Variants in LMO7 observed in about 807,000 individuals in gnomAD.
LMO7 encodes the protein LIM domain only protein 7.
A neutral mutation model predicts 206.5 loss-of-function variants in LMO7; 120 were observed. The observed-to-expected ratio is 0.58, with a 90% CI of 0.50 to 0.68. The LOEUF (loss-of-function observed/expected upper bound fraction) is 0.68. LMO7 is among the 30% of genes least tolerant of loss of function. The pLI is 0.00. For synonymous variants in LMO7, 706 were observed against 681.5 expected, an observed-to-expected ratio of 1.04 and a Z score of -0.56; for missense variants, 1,959 against 1,957.9, an observed-to-expected ratio of 1.00 and a Z score of -0.01.
chr13:75,728,977 T>G (rs1374269683), intron 3 of LMO7, among the ~76,000 whole-genome samples: 1 of 152,088 alleles, frequency 6.6e-6, no homozygotes, highest in Non-Finnish European at 1.5e-5. Flanking sequence ...TCTGTTCCAT[T>G]GGTCTATATC....
chr13:75,793,867 G>A (rs917804030), intron 4 of LMO7, among the ~76,000 whole-genome samples: 1 of 151,778 alleles, frequency 6.6e-6, no homozygotes, highest in Non-Finnish European at 1.5e-5. Context: ...ACTTCTAACA[G>A]CATTTTTTTA....
intron 4 of LMO7, among the ~76,000 whole-genome samples, chr13:75,777,428 C>T (rs749736490): frequency 6.6e-6 from 1 of 152,110 alleles, no homozygotes; most frequent in Non-Finnish European, 1.5e-5. Flanking sequence ...TATTTTTCTT[C>T]ATTCATGTTG....
chr13:75,693,817 TCTC>T (rs2041686875), intron 1 of LMO7, among the ~76,000 whole-genome samples: 1 of 152,132 alleles, frequency 6.6e-6, no homozygotes, highest in South Asian at 2.1e-4. Context: ...TTTCTCACCC[TCTC>T]CTCCTCTTTG....
chr13:75,845,665 T>C (rs535180759), intron 26 of LMO7, among the ~76,000 whole-genome samples: 1 of 152,304 alleles, frequency 6.6e-6, no homozygotes, highest in Non-Finnish European at 1.5e-5. Flanking sequence ...GTATAGTAGA[T>C]TTTATCTTGC....
At chr13:75,770,978 C>A (rs924445726) in intron 4 of LMO7, among the ~76,000 whole-genome samples, 3 of 152,052 alleles carry the variant, frequency 2.0e-5, no homozygotes, top group Non-Finnish European at 4.4e-5. Flanking sequence ...CTTATACAGA[C>A]TTTAAAAATT....
intron 3 of LMO7, among the ~76,000 whole-genome samples, chr13:75,737,580 C>T (rs1449249452): frequency 3.4e-5 from 5 of 146,474 alleles, no homozygotes; most frequent in Admixed American, 1.4e-4. Context: ...GGTGAAACCC[C>T]GTCTCTACTA....
intron 8 of LMO7, 124 bp from the exon 9 acceptor site, chr13:75,805,355 G>C: frequency 9.1e-7 from 1 of 1,099,688 alleles, no homozygotes; most frequent in Non-Finnish European, 1.3e-6. Flanking sequence ...TGGTGGTGAT[G>C]AGAATGGAAA....
intron 3 of LMO7, among the ~76,000 whole-genome samples, chr13:75,746,043 T>C (rs938982251): frequency 6.6e-6 from 1 of 152,184 alleles, no homozygotes; most frequent in Non-Finnish European, 1.5e-5. Flanking sequence ...GAGGGAATGG[T>C]GGCAACAAGG....
At chr13:75,840,036 A>T in intron 20 of LMO7, 49 bp from the exon 21 acceptor site, 1 of 1,569,426 alleles carries the variant, frequency 6.4e-7, no homozygotes, top group South Asian at 1.1e-5. Flanking sequence ...CATAGAAATG[A>T]AGACTTATAT....
chr13:75,645,977 C>G (rs2036971483), intron 1 of LMO7, among the ~76,000 whole-genome samples: 1 of 152,192 alleles, frequency 6.6e-6, no homozygotes, highest in South Asian at 2.1e-4. Flanking sequence ...CTGACCTTGT[C>G]CCTAAATTTT....
chr13:75,840,261 C>T, intron 21 of LMO7, 130 bp from the exon 22 acceptor site: 1 of 1,361,978 alleles, frequency 7.3e-7, no homozygotes, highest in East Asian at 2.3e-5. Flanking sequence ...AAATTCAAAG[C>T]CAGCTCTCCC....
At chr13:75,761,318 G>A (rs745622622) in intron 4 of LMO7, among the ~76,000 whole-genome samples, 10 of 152,140 alleles carry the variant, frequency 6.6e-5, no homozygotes, top group Admixed American at 6.5e-4. Context: ...ACATGGTAGT[G>A]TTTGGTTGCT....
At chr13:75,668,994 G>GT (rs2039310403) in intron 1 of LMO7, among the ~76,000 whole-genome samples, 1 of 152,156 alleles carries the variant, frequency 6.6e-6, no homozygotes, top group South Asian at 2.1e-4. Flanking sequence ...GATCATGAGA[G>GT]TAGATGAGCA....
At chr13:75,737,763 A>AAAT (rs1258567049) in intron 3 of LMO7, among the ~76,000 whole-genome samples, 439 of 26,286 alleles carry the variant, frequency 0.017, 19 homozygotes, top group African/African-American at 0.061. Context: ...AAAAAAAAAA[A>AAAT]AAATAAAATA....
chr13:75,714,587 CAT>C (rs1166001561), intron 2 of LMO7, among the ~76,000 whole-genome samples: 1 of 152,142 alleles, frequency 6.6e-6, no homozygotes. Flanking sequence ...ATAGGACACA[CAT>C]GTGAATAAGG....
chr13:75,739,006 G>T (rs2046196042), intron 3 of LMO7, among the ~76,000 whole-genome samples: 1 of 152,194 alleles, frequency 6.6e-6, no homozygotes, highest in Non-Finnish European at 1.5e-5. Context: ...ATCTTGAGCA[G>T]TATCCCTGGC....
At chr13:75,817,027 A>G (rs1403847195) in intron 11 of LMO7, 134 bp from the exon 12 acceptor site, 16 of 615,368 alleles carry the variant, frequency 2.6e-5, no homozygotes, top group South Asian at 4.2e-5. Context: ...CTGTAGTGCT[A>G]CTTCTGTGAC....
intron 4 of LMO7, among the ~76,000 whole-genome samples, chr13:75,775,227 T>A (rs1294547506): frequency 1.3e-5 from 2 of 152,052 alleles, no homozygotes; most frequent in East Asian, 3.8e-4. Context: ...CCCTATTCAA[T>A]AAATGTTGCT....
At chr13:75,772,297 T>C (rs1303361019) in intron 4 of LMO7, among the ~76,000 whole-genome samples, 7 of 152,090 alleles carry the variant, frequency 4.6e-5, no homozygotes, top group South Asian at 2.1e-4. Context: ...GATATGAATA[T>C]ACCAAAAGAA....
Sources: gnomAD v4.1 joint callset for allele counts (sites outside exome capture counted in the v4.1 genomes callset) on GRCh38, gnomAD v4.1.1 for gene constraint, MANE v1.5 for transcripts, NCBI Gene and HGNC (gene_info 2026-07-23, HGNC 2026-07-21) for gene names.